The following RGS12 variants were observed in gnomAD, a reference collection of about 807,000 sequenced individuals.
RGS12 encodes regulator of G protein signaling 12.
Under a neutral mutation model 120.1 loss-of-function variants are expected in RGS12, and 66 were observed. That is an observed-to-expected ratio of 0.55 (90% confidence interval 0.45 to 0.67). The LOEUF is 0.67. Among genes scored for constraint, RGS12 ranks in the 30% least tolerant of loss-of-function variants. The probability of loss-of-function intolerance (pLI) is 0.00; values close to 1 mark genes in which losing one functional copy is unlikely to be tolerated. For missense variants in RGS12, 1,859 were observed against 1,957.7 expected (o/e 0.95, Z 0.95); for synonymous variants, 827 against 804.7 (o/e 1.03, Z -0.47).
intron 1 of RGS12, among the ~76,000 whole-genome samples, chr4:3,308,706 C>CA (rs1553927466): frequency 1.3e-5 from 2 of 152,228 alleles, no homozygotes; most frequent in Non-Finnish European, 2.9e-5. Context: ...TTTTGTGGGA[C>CA]TTTTTTCATC....
chr4:3,431,894 G>A (rs1724343377), intron 17 of RGS12: 2 of 985,396 alleles, frequency 2.0e-6, no homozygotes, highest in African/African-American at 3.5e-5. Context: ...CCTGTAGCCT[G>A]GACCTCGCCG....
intron 3 of RGS12, among the ~76,000 whole-genome samples, chr4:3,376,374 G>C (rs1717696638): frequency 6.6e-6 from 1 of 152,188 alleles, no homozygotes; most frequent in South Asian, 2.1e-4. Context: ...GCTCTGCCAG[G>C]CGAGGTTGCA....
intron 3 of RGS12, among the ~76,000 whole-genome samples, chr4:3,345,783 ATAT>A (rs1430335987): frequency 6.6e-6 from 1 of 152,266 alleles, no homozygotes; most frequent in Non-Finnish European, 1.5e-5. Context: ...ATTAATAATA[ATAT>A]GACAATCCTA....
At chr4:3,435,137 C>T (rs1369910848) in intron 17 of RGS12, among the ~76,000 whole-genome samples, 1 of 152,178 alleles carries the variant, frequency 6.6e-6, no homozygotes, top group Non-Finnish European at 1.5e-5. Context: ...CCCCTAGGAA[C>T]ACTTTTGGGC....
At chr4:3,340,814 G>A (rs1424374170) in intron 2 of RGS12, among the ~76,000 whole-genome samples, 3 of 151,112 alleles carry the variant, frequency 2.0e-5, no homozygotes, top group Non-Finnish European at 4.4e-5. Context: ...TCGGAGGCAC[G>A]GCGTGCACGG....
chr4:3,327,493 C>T (rs1040537231), intron 2 of RGS12, among the ~76,000 whole-genome samples: 19 of 152,192 alleles, frequency 1.2e-4, no homozygotes, highest in Non-Finnish European at 2.4e-4. Flanking sequence ...AACAGATAGC[C>T]TGCAGGATGG....
At chr4:3,408,278 G>A (rs1271125998) in intron 4 of RGS12, among the ~76,000 whole-genome samples, 1 of 152,220 alleles carries the variant, frequency 6.6e-6, no homozygotes, top group Admixed American at 6.5e-5. Flanking sequence ...CTGTGACTGT[G>A]CACTATTTTC....
intron 1 of RGS12, among the ~76,000 whole-genome samples, chr4:3,301,149 G>A (rs1343726164): frequency 6.6e-6 from 1 of 151,414 alleles, no homozygotes; most frequent in Non-Finnish European, 1.5e-5. Flanking sequence ...TCTGTAACAC[G>A]GGGTCTGTCC....
At chr4:3,337,724 C>T (rs1160731884) in intron 2 of RGS12, among the ~76,000 whole-genome samples, 1 of 152,080 alleles carries the variant, frequency 6.6e-6, no homozygotes, top group African/African-American at 2.4e-5. Context: ...TAAATGGGGG[C>T]AGAGCTTCGT....
At chr4:3,344,147 C>T (rs1362576088) in intron 3 of RGS12, among the ~76,000 whole-genome samples, 1 of 152,202 alleles carries the variant, frequency 6.6e-6, no homozygotes, top group Non-Finnish European at 1.5e-5. Context: ...CCAGCTCCTG[C>T]TCTTCCAGGA....
At position 3,346,707 on chromosome 4, in the gene RGS12, A is replaced by C. The variant is rs191350781; in HGVS notation, c.1998+3654A>C. Among the ~76,000 whole-genome samples, 955 of 152,310 alleles carry C rather than the reference A, an allele frequency of 6.3e-3. 2 individuals are homozygous for C. The highest frequency in any genetic ancestry group is 9.0e-3 in the Non-Finnish European group (611 of 68,020). On this transcript the variant is annotated intron_variant, in intron 3 of 17. Coordinates refer to ENST00000336727, the MANE Select transcript of RGS12 (RefSeq NM_001394154.1). Reference sequence around the variant, plus strand: ...AGGAGTATTGCAGCTTTTCTTCAGAAACATGGCTGCTTCTCTCTACATTGA... The same window carrying C: ...AGGAGTATTGCAGCTTTTCTTCAGACACATGGCTGCTTCTCTCTACATTGA...
chr4:3,409,274 C>G (rs1721482670), intron 4 of RGS12, among the ~76,000 whole-genome samples: 1 of 152,234 alleles, frequency 6.6e-6, no homozygotes, highest in African/African-American at 2.4e-5. Context: ...AATACAGATT[C>G]CCTGGGCGGG....
In RGS12 at chr4:3,377,117, G is replaced by A. The variant is rs148258115; in HGVS notation, c.1999-9299G>A. Among the ~76,000 whole-genome samples, 706 of 152,034 alleles carry A rather than the reference G, an allele frequency of 4.6e-3. 5 individuals are homozygous for A. The highest frequency in any genetic ancestry group is 0.017 in the Middle Eastern group (5 of 294). ...GCCTTGATTTTCTTCCAGCAGGAAG[G>A]GACTGGGTCCCTCTGTGCAGGAGCC... On this transcript the variant is annotated intron_variant, in intron 3 of 17. Transcript: ENST00000336727.
chr4:3,313,372 G>T (rs917094860), intron 1 of RGS12, among the ~76,000 whole-genome samples: 1 of 152,218 alleles, frequency 6.6e-6, no homozygotes, highest in Non-Finnish European at 1.5e-5. Context: ...GTGATAGCTG[G>T]CACTTGCCGG....
intron 13 of RGS12, 71 bp from the exon 14 acceptor site, chr4:3,425,393 G>C: frequency 7.4e-7 from 1 of 1,343,164 alleles, no homozygotes; most frequent in South Asian, 1.2e-5. Flanking sequence ...ATGCAGTCGG[G>C]TGGGATCACA....
upstream of RGS12, among the ~76,000 whole-genome samples, chr4:3,291,527 A>C (rs139274461): frequency 4.7e-3 from 718 of 152,108 alleles, 4 homozygotes; most frequent in Non-Finnish European, 7.8e-3. Flanking sequence ...TTTGTATTTT[A>C]GTAGAGATGG....
intron 2 of RGS12, among the ~76,000 whole-genome samples, chr4:3,340,176 C>A (rs1273723525): frequency 1.3e-5 from 2 of 152,226 alleles, no homozygotes; most frequent in Admixed American, 1.3e-4. Context: ...TGAGCACTGC[C>A]CAGCGCCTTC....
chr4:3,438,369 TG>T (rs1175582905), intron 17 of RGS12, among the ~76,000 whole-genome samples: 2 of 144,972 alleles, frequency 1.4e-5, no homozygotes, highest in Admixed American at 6.8e-5. Context: ...ACCGCACAGA[TG>T]GGGGGGTGGG....
intron 17 of RGS12, among the ~76,000 whole-genome samples, chr4:3,435,919 G>T (rs1447523011): frequency 6.6e-6 from 1 of 152,152 alleles, no homozygotes; most frequent in African/African-American, 2.4e-5. Context: ...CCTCCCTGGG[G>T]TCTGCCACAT....
Sources: gnomAD v4.1 joint callset for allele counts (sites outside exome capture counted in the v4.1 genomes callset) on GRCh38, gnomAD v4.1.1 for gene constraint, MANE v1.5 for transcripts, NCBI Gene and HGNC (gene_info 2026-07-23, HGNC 2026-07-21) for gene names.